PEAK1: variants seen among roughly 807,000 people sequenced by gnomAD.
PEAK1 encodes the protein inactive tyrosine-protein kinase PEAK1.
PEAK1 carries 54 observed loss-of-function variants against 124.7 expected under a neutral mutation model. The ratio of observed to expected loss-of-function variants is 0.43; its 90% CI spans 0.35 to 0.54. The LOEUF (loss-of-function observed/expected upper bound fraction) is 0.54. Among genes scored for constraint, PEAK1 ranks in the 20% least tolerant of loss-of-function variants. PEAK1 has a pLI of 0.01. For synonymous variants in PEAK1, 719 were observed against 760.0 expected, an observed-to-expected ratio of 0.95 and a Z score of 0.89; for missense variants, 2,046 against 2,134.5, an observed-to-expected ratio of 0.96 and a Z score of 0.82.
chr15:77,159,256 A>G (rs960407263), intron 7 of PEAK1, among the ~76,000 whole-genome samples: 3 of 152,196 alleles, frequency 2.0e-5, no homozygotes, highest in Admixed American at 2.0e-4. Context: ...CTTGTTGCCA[A>G]GAGAATAGAA....
intron 6 of PEAK1, among the ~76,000 whole-genome samples, chr15:77,221,890 C>T (rs1401492550): frequency 2.0e-5 from 3 of 151,976 alleles, no homozygotes; most frequent in South Asian, 2.1e-4. Flanking sequence ...TAGCATGCAA[C>T]GCCAATTTTA....
intron 5 of PEAK1, among the ~76,000 whole-genome samples, chr15:77,263,299 A>C (rs1484872400): frequency 6.6e-6 from 1 of 152,184 alleles, no homozygotes; most frequent in African/African-American, 2.4e-5. Flanking sequence ...ACTTCAAAAA[A>C]ATCAATGAAT....
At chr15:77,253,105 T>C (rs757087516) in intron 5 of PEAK1, among the ~76,000 whole-genome samples, 12 of 152,134 alleles carry the variant, frequency 7.9e-5, no homozygotes, top group Admixed American at 2.0e-4. Flanking sequence ...ACCCAACCCC[T>C]AATTTGTTTC....
At chr15:77,163,694 C>A (rs1596417801) in intron 7 of PEAK1, among the ~76,000 whole-genome samples, 2 of 152,100 alleles carry the variant, frequency 1.3e-5, no homozygotes, top group Non-Finnish European at 2.9e-5. Flanking sequence ...CAAATTCAAC[C>A]ACCTTCACTC....
intron 5 of PEAK1, among the ~76,000 whole-genome samples, chr15:77,261,188 C>A (rs998013682): frequency 1.3e-5 from 2 of 152,088 alleles, no homozygotes; most frequent in Non-Finnish European, 1.5e-5. Context: ...AGAGCAGAAA[C>A]ACTGAAAATT....
intron 1 of PEAK1, among the ~76,000 whole-genome samples, chr15:77,399,779 A>C (rs2071200714): frequency 6.6e-6 from 1 of 152,236 alleles, no homozygotes; most frequent in Non-Finnish European, 1.5e-5. Flanking sequence ...ATAATACTCC[A>C]TAAGCACAGG....
At chr15:77,260,903 G>T (rs1017727569) in intron 5 of PEAK1, among the ~76,000 whole-genome samples, 83 of 152,250 alleles carry the variant, frequency 5.5e-4, no homozygotes, top group Middle Eastern at 3.4e-3. Flanking sequence ...TCACATGGCC[G>T]GGTACTCCTC....
chr15:77,181,076 C>T lies in PEAK1; in HGVS notation c.851G>A (p.Arg284Gln), dbSNP rs762474451. The T allele has an allele frequency of 7.4e-6, 12 of 1,614,046 alleles. No individual in the cohort carries two copies. The highest frequency in any genetic ancestry group is 2.7e-5 in the African/African-American group (2 of 74,936). ...NFRANTLSPV[R>Q]FFVDKKWNTI... is the part of the protein sequence containing the mutation. ...ATTCCATTTTTTGTCCACAAAGAAT[C>T]GAACAGGAGACAATGTGTTTGCTCT... is the stretch of plus-strand genomic sequence containing the variant. Residue 284 changes from arginine (R) to glutamine (Q), a missense_variant, in exon 7 of 10, where the codon CGA (arginine) becomes CAA (glutamine). Physicochemically the swap from Arg to Gln is conservative, Grantham distance 43. Coordinates refer to ENST00000682557, the MANE Select transcript of PEAK1 (RefSeq NM_001385026.1).
intron 1 of PEAK1, chr15:77,403,042 T>A (rs992561570): frequency 3.0e-6 from 3 of 984,958 alleles, no homozygotes; most frequent in Non-Finnish European, 3.6e-6. Flanking sequence ...AAATGTTGCA[T>A]CCCATTGCAG....
At chr15:77,301,558 G>C (rs1318645080) in intron 2 of PEAK1, among the ~76,000 whole-genome samples, 1 of 152,106 alleles carries the variant, frequency 6.6e-6, no homozygotes, top group East Asian at 1.9e-4. Context: ...TGATTTATTT[G>C]ATTTCTCATT....
At chr15:77,193,901 C>T (rs2057979153) in intron 6 of PEAK1, among the ~76,000 whole-genome samples, 1 of 152,110 alleles carries the variant, frequency 6.6e-6, no homozygotes, top group Admixed American at 6.6e-5. Context: ...TGTCTATTCC[C>T]AAATATTTAA....
intron 5 of PEAK1, among the ~76,000 whole-genome samples, chr15:77,268,706 A>G (rs901498353): frequency 6.6e-6 from 1 of 152,160 alleles, no homozygotes. Context: ...ACCTAGGCAC[A>G]TAGTCATCAG....
intron 1 of PEAK1, among the ~76,000 whole-genome samples, chr15:77,416,171 T>C (rs1268070008): frequency 6.6e-6 from 1 of 152,194 alleles, no homozygotes; most frequent in Non-Finnish European, 1.5e-5. Flanking sequence ...CTCCTAGCCC[T>C]TGAAATAATA....
intron 6 of PEAK1, among the ~76,000 whole-genome samples, chr15:77,227,052 A>T (rs538836691): frequency 2.3e-4 from 35 of 152,310 alleles, no homozygotes; most frequent in Admixed American, 1.4e-3. Context: ...TAAAATACAG[A>T]TGCATGAGTT....
chr15:77,418,183 G>A, intron 1 of PEAK1: 27 of 985,322 alleles, frequency 2.7e-5, no homozygotes, highest in Non-Finnish European at 3.3e-5. Flanking sequence ...TATCATAATA[G>A]TTCAAAGTGA....
intron 1 of PEAK1, among the ~76,000 whole-genome samples, chr15:77,376,000 A>AAAATAAATAAATAAAT (rs199883070): frequency 4.8e-5 from 7 of 145,348 alleles, no homozygotes; most frequent in South Asian, 2.2e-4. Context: ...CTCCGTCTCA[A>AAAATAAATAAATAAAT]AAATAAATAA....
At chr15:77,146,080 C>CGATG (rs1416089378) in intron 8 of PEAK1, among the ~76,000 whole-genome samples, 4 of 152,156 alleles carry the variant, frequency 2.6e-5, no homozygotes, top group Middle Eastern at 3.2e-3. Flanking sequence ...AAGAGACCAT[C>CGATG]GCCTCCACTA....
chr15:77,134,875 A>G (rs1231383752), intron 8 of PEAK1, among the ~76,000 whole-genome samples: 1 of 152,358 alleles, frequency 6.6e-6, no homozygotes. Flanking sequence ...AGATGAGGTC[A>G]TTAGGACGGG....
rs1056053958 is a variant in PEAK1, at chr15:77,110,356, G to C, written c.*3800C>G. On this transcript the variant is annotated 3_prime_UTR_variant, in exon 10 of 10. Transcript: ENST00000682557. ...GATCTGCCCACCTCGCCCTCCTAAA[G>C]TGTTGGGATTACAGGCGTGAGCCAC... 1 of 152,252 alleles carries C rather than the reference G, an allele frequency of 6.6e-6. No homozygotes were observed. The highest frequency in any genetic ancestry group is 1.5e-5 in the Non-Finnish European group (1 of 68,082). The allele number at this position is 152,252 out of a possible 1,614,324, so 9.4% of individuals were successfully genotyped here.
Sources: gnomAD v4.1 joint callset for allele counts (sites outside exome capture counted in the v4.1 genomes callset) on GRCh38, gnomAD v4.1.1 for gene constraint, MANE v1.5 for transcripts, NCBI Gene and HGNC (gene_info 2026-07-23, HGNC 2026-07-21) for gene names.